The following RYK variants were observed in gnomAD, a reference collection of about 807,000 sequenced individuals.
RYK encodes receptor like tyrosine kinase.
Under a neutral mutation model 70.2 loss-of-function variants are expected in RYK, and 21 were observed. The ratio of observed to expected loss-of-function variants is 0.30; its 90% CI spans 0.21 to 0.43. The LOEUF is 0.43. Among genes scored for constraint, RYK ranks in the 20% least tolerant of loss-of-function variants. The pLI is 1.00. For missense variants in RYK, 604 were observed against 753.3 expected, an observed-to-expected ratio of 0.80 and a Z score of 2.32; for synonymous variants, 267 against 278.0, an observed-to-expected ratio of 0.96 and a Z score of 0.39.
chr3:134,235,697 G>A (rs759832166), intron 1 of RYK, among the ~76,000 whole-genome samples: 2 of 152,152 alleles, frequency 1.3e-5, no homozygotes, highest in Non-Finnish European at 2.9e-5. Context: ...GCAATCAAAT[G>A]CAGTCTGAAA....
At chr3:134,189,158 T>C (rs1576511668) in intron 8 of RYK, among the ~76,000 whole-genome samples, 1 of 152,230 alleles carries the variant, frequency 6.6e-6, no homozygotes. Context: ...ACTAAGTATA[T>C]GAAAATTTTC....
chr3:134,228,998 AAAAT>A (rs1187622175), intron 1 of RYK, among the ~76,000 whole-genome samples: 4 of 152,178 alleles, frequency 2.6e-5, no homozygotes, highest in South Asian at 2.1e-4. Context: ...GTGTAAATAA[AAAAT>A]AAATAAAAAT....
intron 13 of RYK, among the ~76,000 whole-genome samples, chr3:134,161,593 C>A (rs937009627): frequency 2.0e-5 from 3 of 152,132 alleles, no homozygotes; most frequent in African/African-American, 7.2e-5. Flanking sequence ...GGAGGGAACA[C>A]CATCCTTTAA....
chr3:134,195,311 A>G, intron 6 of RYK, 129 bp from the exon 7 acceptor site: 3 of 652,050 alleles, frequency 4.6e-6, no homozygotes, highest in South Asian at 3.5e-5. Flanking sequence ...ACAATAATTC[A>G]TGATGTTCCA....
At chr3:134,190,874 AC>A (rs2013622459) in intron 8 of RYK, among the ~76,000 whole-genome samples, 1 of 152,102 alleles carries the variant, frequency 6.6e-6, no homozygotes, top group African/African-American at 2.4e-5. Flanking sequence ...TGGTCTACTT[AC>A]TCTCTTCAGA....
chr3:134,174,040 T>G (rs1261630193), intron 13 of RYK, among the ~76,000 whole-genome samples: 1 of 152,170 alleles, frequency 6.6e-6, no homozygotes, highest in African/African-American at 2.4e-5. Flanking sequence ...GTAAGTGGGT[T>G]CTAAATCATA....
chr3:134,243,045 G>A (rs1258114145), intron 1 of RYK, among the ~76,000 whole-genome samples: 1 of 152,170 alleles, frequency 6.6e-6, no homozygotes, highest in Non-Finnish European at 1.5e-5. Context: ...AGACTCATGG[G>A]CAGAGGACAC....
At chr3:134,227,878 T>A (rs1227642310) in intron 1 of RYK, among the ~76,000 whole-genome samples, 1 of 152,192 alleles carries the variant, frequency 6.6e-6, no homozygotes, top group Non-Finnish European at 1.5e-5. Flanking sequence ...TTTCACCATG[T>A]TAGCCAGGAT....
At chr3:134,242,147 A>G (rs2015340191) in intron 1 of RYK, among the ~76,000 whole-genome samples, 1 of 152,128 alleles carries the variant, frequency 6.6e-6, no homozygotes, top group Non-Finnish European at 1.5e-5. Context: ...TCTACCAAAA[A>G]TACAAAAATT....
intron 9 of RYK, among the ~76,000 whole-genome samples, chr3:134,186,754 C>T (rs1363347670): frequency 6.6e-6 from 1 of 152,174 alleles, no homozygotes; most frequent in African/African-American, 2.4e-5. Flanking sequence ...ATCTCCCCTT[C>T]CAACCCTAAA....
At chr3:134,214,517 T>C (rs1327140225) in intron 2 of RYK, among the ~76,000 whole-genome samples, 1 of 152,170 alleles carries the variant, frequency 6.6e-6, no homozygotes, top group Non-Finnish European at 1.5e-5. Context: ...CTGACAGTCA[T>C]ATTGGCACCT....
chr3:134,212,832 T>C (rs1440757305), intron 2 of RYK, among the ~76,000 whole-genome samples: 2 of 152,186 alleles, frequency 1.3e-5, no homozygotes, highest in African/African-American at 4.8e-5. Context: ...AGTCCAGAAT[T>C]TGATTCCCCT....
At chr3:134,182,854 A>C in intron 10 of RYK, 148 bp downstream of exon 10, 1 of 465,102 alleles carries the variant, frequency 2.2e-6, no homozygotes. Flanking sequence ...TGCAATGAGA[A>C]TGCATTTCAC....
chr3:134,205,077 A>T (rs1336483096), intron 5 of RYK, among the ~76,000 whole-genome samples: 1 of 152,170 alleles, frequency 6.6e-6, no homozygotes, highest in Non-Finnish European at 1.5e-5. Flanking sequence ...AAGAATGAAA[A>T]GTTTTGGCTC....
chr3:134,226,059 C>T (rs1335846214), intron 1 of RYK, among the ~76,000 whole-genome samples: 1 of 151,824 alleles, frequency 6.6e-6, no homozygotes, highest in Non-Finnish European at 1.5e-5. Context: ...TGATCAAATA[C>T]CATATGATAA....
At chr3:134,198,910 T>C (rs2013898674) in intron 6 of RYK, among the ~76,000 whole-genome samples, 1 of 152,068 alleles carries the variant, frequency 6.6e-6, no homozygotes, top group Non-Finnish European at 1.5e-5. Context: ...GTGGTGGGGA[T>C]AATGGAAACT....
In RYK at chr3:134,226,719, T is replaced by A. The variant is rs148741316; in HGVS notation, c.233-4180A>T. ...ACCATATTAACAAAATAAAAACCCGTATCATCTCGATACAGAAAAAGCATT... is the reference window on the plus strand; with the variant it reads ...ACCATATTAACAAAATAAAAACCCGAATCATCTCGATACAGAAAAAGCATT... On this transcript the variant is annotated intron_variant, in intron 1 of 14. Coordinates refer to ENST00000623711, the MANE Select transcript of RYK (RefSeq NM_002958.4). Among the ~76,000 whole-genome samples the A allele has an allele frequency of 1.7e-3, 262 of 152,230 alleles. 1 individual carries two copies. Among genetic ancestry groups the A allele is most frequent in the African/African-American group, 5.9e-3 (247 of 41,576 alleles).
intron 1 of RYK, among the ~76,000 whole-genome samples, chr3:134,239,188 A>G (rs1434075408): frequency 1.3e-5 from 2 of 152,206 alleles, no homozygotes; most frequent in Non-Finnish European, 2.9e-5. Context: ...GACCAGGCAT[A>G]GTGGCTCACA....
intron 1 of RYK, among the ~76,000 whole-genome samples, chr3:134,230,085 T>C (rs570288646): frequency 6.6e-6 from 1 of 152,218 alleles, no homozygotes; most frequent in South Asian, 2.1e-4. Context: ...TATGCACAAA[T>C]ATTCATATCC....
Sources: allele counts gnomAD v4.1 joint callset (sites outside exome capture counted in the v4.1 genomes callset), GRCh38; gene constraint gnomAD v4.1.1; transcripts MANE v1.5; gene names NCBI Gene and HGNC (gene_info 2026-07-23, HGNC 2026-07-21).